ANO3: variants seen among roughly 807,000 people sequenced by gnomAD.
The protein encoded by ANO3 is anoctamin-3.
Under a neutral mutation model 144.8 loss-of-function variants are expected in ANO3, and 99 were observed. That is an observed-to-expected ratio of 0.68 (90% CI 0.58 to 0.81). The LOEUF (loss-of-function observed/expected upper bound fraction) is 0.81. Ranked by LOEUF, ANO3 falls within the 30% of genes least tolerant of loss-of-function variation. The probability of loss-of-function intolerance (pLI) is 0.00; values close to 1 mark genes in which losing one functional copy is unlikely to be tolerated. For synonymous variants in ANO3, 414 were observed against 392.6 expected (o/e 1.05, Z -0.64); for missense variants, 905 against 1,202.2 (o/e 0.75, Z 3.66).
intron 1 of ANO3, among the ~76,000 whole-genome samples, chr11:26,422,063 A>G (rs188961344): frequency 1.7e-3 from 257 of 152,208 alleles, no homozygotes; most frequent in Middle Eastern, 3.4e-3. Flanking sequence ...AAGTTTACCT[A>G]TGTAACAAAC....
intron 15 of ANO3, 152 bp from the exon 16 acceptor site, chr11:26,598,706 G>A (rs1335988971): frequency 1.4e-6 from 1 of 735,412 alleles, no homozygotes; most frequent in African/African-American, 1.8e-5. Context: ...GATTTATTTG[G>A]AAGGTAATTT....
At chr11:26,568,569 A>G (rs775222688) in intron 14 of ANO3, among the ~76,000 whole-genome samples, 8 of 151,936 alleles carry the variant, frequency 5.3e-5, no homozygotes, top group Non-Finnish European at 8.8e-5. Flanking sequence ...AAGTCTTTCT[A>G]TCTTCAAAGG....
At chr11:26,562,484 T>C (rs938625112) in intron 14 of ANO3, among the ~76,000 whole-genome samples, 1 of 151,910 alleles carries the variant, frequency 6.6e-6, no homozygotes, top group Non-Finnish European at 1.5e-5. Flanking sequence ...AAATATCAAA[T>C]TGATATTATA....
intron 1 of ANO3, among the ~76,000 whole-genome samples, chr11:26,357,505 T>C (rs1855813166): frequency 6.6e-6 from 1 of 152,042 alleles, no homozygotes; most frequent in African/African-American, 2.4e-5. Context: ...TCCTTCATAA[T>C]GTATCTTTTC....
intron 11 of ANO3, among the ~76,000 whole-genome samples, chr11:26,542,554 C>T (rs530310883): frequency 3.3e-5 from 5 of 149,684 alleles, no homozygotes; most frequent in Non-Finnish European, 3.0e-5. Flanking sequence ...ATGTCCAAAC[C>T]GAAAAAAAGA....
At chr11:26,242,415 G>A (rs1852682503) in intron 1 of ANO3, among the ~76,000 whole-genome samples, 1 of 152,082 alleles carries the variant, frequency 6.6e-6, no homozygotes, top group Admixed American at 6.5e-5. Flanking sequence ...GCCAAGTTTA[G>A]AAAGGCCTTT....
chr11:26,650,628 TA>T (rs1178950225), intron 24 of ANO3, among the ~76,000 whole-genome samples: 2 of 152,154 alleles, frequency 1.3e-5, no homozygotes, highest in Non-Finnish European at 1.5e-5. Context: ...TTGGCCAACA[TA>T]AAAAATTTCA....
chr11:26,269,257 G>T (rs188416555), intron 1 of ANO3, among the ~76,000 whole-genome samples: 77 of 152,288 alleles, frequency 5.1e-4, no homozygotes, highest in African/African-American at 1.8e-3. Flanking sequence ...TTTATCAGGG[G>T]CCTTTGGCAC....
At chr11:26,356,455 G>C (rs1465859431) in intron 1 of ANO3, among the ~76,000 whole-genome samples, 1 of 152,034 alleles carries the variant, frequency 6.6e-6, no homozygotes, top group African/African-American at 2.4e-5. Context: ...TGTCACTATA[G>C]ATTGCTTTGC....
chr11:26,652,225 A>T (rs1003893085), intron 24 of ANO3, among the ~76,000 whole-genome samples: 2 of 152,150 alleles, frequency 1.3e-5, no homozygotes, highest in African/African-American at 2.4e-5. Context: ...GACCTGACAA[A>T]CGTATTTTAT....
At chr11:26,342,378 A>T (rs576362057) in intron 1 of ANO3, among the ~76,000 whole-genome samples, 1 of 152,206 alleles carries the variant, frequency 6.6e-6, no homozygotes, top group African/African-American at 2.4e-5. Context: ...GGGTAGATTC[A>T]TATAGGATGA....
At chr11:26,373,374 C>T (rs1856316194) in intron 1 of ANO3, among the ~76,000 whole-genome samples, 1 of 152,182 alleles carries the variant, frequency 6.6e-6, no homozygotes, top group African/African-American at 2.4e-5. Context: ...TCCTTCTTCG[C>T]TCTTCACACT....
At position 26,642,338 on chromosome 11, in the gene ANO3, CTTTCTTTTTT is replaced by C. The variant is rs1231554094; in HGVS notation, c.2275+313_2275+322del. On this transcript the variant is annotated intron_variant, in intron 22 of 26. Transcript: ENST00000256737. ...AGTTTCTTTTCCTTTTTCTTTCTTTCTTTCTTTTTTTTTTTTTTTTTTTTTTTGAGACAGT... is the reference window on the plus strand; with the variant it reads ...AGTTTCTTTTCCTTTTTCTTTCTTTCTTTTTTTTTTTTTTTTTGAGACAGT... 0.031 allele frequency among the ~76,000 whole-genome samples: 3,679 copies of C among 118,730 alleles called. 44 individuals carry two copies. Among genetic ancestry groups the C allele is most frequent in the Non-Finnish European group, 0.049 (2,813 of 57,678 alleles). 77.9% of individuals were successfully genotyped at this position (118,730 alleles called of 152,430 possible).
At chr11:26,412,425 C>T (rs904324060) in intron 1 of ANO3, among the ~76,000 whole-genome samples, 11 of 151,780 alleles carry the variant, frequency 7.2e-5, no homozygotes, top group African/African-American at 2.4e-4. Context: ...AAAATGAGAC[C>T]TGAGTAATAT....
intron 18 of ANO3, among the ~76,000 whole-genome samples, chr11:26,629,436 T>C (rs1265616872): frequency 1.3e-5 from 2 of 152,086 alleles, no homozygotes; most frequent in African/African-American, 2.4e-5. Context: ...TTTACAAGAC[T>C]AAAAAATTCT....
At chr11:26,310,083 TAC>T (rs1178618309) in intron 1 of ANO3, among the ~76,000 whole-genome samples, 1 of 152,224 alleles carries the variant, frequency 6.6e-6, no homozygotes, top group Non-Finnish European at 1.5e-5. Flanking sequence ...TCATTTGATA[TAC>T]ACATACTTAC....
intron 1 of ANO3, among the ~76,000 whole-genome samples, chr11:26,398,166 T>A (rs1857064637): frequency 6.6e-6 from 1 of 152,110 alleles, no homozygotes; most frequent in Admixed American, 6.6e-5. Context: ...AGATTTATAA[T>A]CCATCAAAGG....
At chr11:26,367,267 C>T (rs1856119298) in intron 1 of ANO3, among the ~76,000 whole-genome samples, 1 of 152,192 alleles carries the variant, frequency 6.6e-6, no homozygotes, top group Non-Finnish European at 1.5e-5. Context: ...GCTCTTCTTC[C>T]ACCAGATGCC....
At chr11:26,340,865 C>T (rs575206948) in intron 1 of ANO3, among the ~76,000 whole-genome samples, 431 of 152,244 alleles carry the variant, frequency 2.8e-3, no homozygotes, top group Non-Finnish European at 4.1e-3. Context: ...TTATTCTATG[C>T]TCTTTAACTT....
Sources: allele counts gnomAD v4.1 joint callset (sites outside exome capture counted in the v4.1 genomes callset), GRCh38; gene constraint gnomAD v4.1.1; transcripts MANE v1.5; gene names NCBI Gene and HGNC (gene_info 2026-07-23, HGNC 2026-07-21).